Variants in AK9 observed in about 807,000 individuals in gnomAD.
AK9 encodes adenylate kinase domain containing 1.
Under a neutral mutation model 239.6 loss-of-function variants are expected in AK9, and 191 were observed. The observed-to-expected ratio is 0.80, with a 90% CI of 0.71 to 0.90. The LOEUF (loss-of-function observed/expected upper bound fraction) is 0.90, where lower values mean the gene tolerates loss of function less well. Ranked by LOEUF, AK9 falls within the 40% of genes least tolerant of loss-of-function variation. AK9 has a pLI of 0.00. For synonymous variants in AK9, 689 were observed against 721.0 expected (o/e 0.96, Z 0.71); for missense variants, 1,995 against 2,214.7 (o/e 0.90, Z 1.99).
chr6:109,570,083 T>C (rs1183746631), intron 21 of AK9, among the ~76,000 whole-genome samples: 1 of 152,132 alleles, frequency 6.6e-6, no homozygotes, highest in Admixed American at 6.5e-5. Flanking sequence ...ATATACACCA[T>C]GGAATACTAT....
chr6:109,550,042 CA>C (rs753721914), intron 25 of AK9, 47 bp downstream of exon 25: 2 of 1,580,500 alleles, frequency 1.3e-6, no homozygotes, highest in Non-Finnish European at 8.6e-7. Flanking sequence ...TAATCAGTCC[CA>C]AAAAAATCCT....
intron 30 of AK9, 113 bp from the exon 31 acceptor site, chr6:109,516,188 T>G: frequency 9.7e-7 from 1 of 1,032,482 alleles, no homozygotes; most frequent in Non-Finnish European, 1.4e-6. Flanking sequence ...AGAACACAAA[T>G]ATTTTTCAGC....
intron 8 of AK9, among the ~76,000 whole-genome samples, chr6:109,655,291 T>C (rs1167374920): frequency 6.6e-6 from 1 of 152,242 alleles, no homozygotes; most frequent in East Asian, 1.9e-4. Context: ...ATTTCTTTAT[T>C]ATCAGTGAAG....
chr6:109,680,057 T>C (rs927379262), intron 1 of AK9, among the ~76,000 whole-genome samples: 2 of 152,154 alleles, frequency 1.3e-5, no homozygotes, highest in Non-Finnish European at 2.9e-5. Context: ...CTCCACAGGA[T>C]CACAACTCCT....
intron 10 of AK9, among the ~76,000 whole-genome samples, chr6:109,639,115 C>A (rs114958319): frequency 6.6e-6 from 1 of 152,096 alleles, no homozygotes; most frequent in African/African-American, 2.4e-5. Flanking sequence ...TAAACATAGG[C>A]GTGCATGTGT....
intron 10 of AK9, among the ~76,000 whole-genome samples, chr6:109,640,964 G>T (rs1027458730): frequency 2.0e-5 from 3 of 151,740 alleles, no homozygotes; most frequent in Non-Finnish European, 2.9e-5. Context: ...AACTGAACTT[G>T]GATTTCTTTC....
At chr6:109,622,744 G>T (rs919708489) in intron 12 of AK9, among the ~76,000 whole-genome samples, 4 of 150,160 alleles carry the variant, frequency 2.7e-5, no homozygotes, top group South Asian at 2.1e-4. Flanking sequence ...CTATATTTTG[G>T]TATATACATT....
intron 29 of AK9, among the ~76,000 whole-genome samples, chr6:109,527,119 G>A (rs1562354585): frequency 1.3e-5 from 2 of 152,186 alleles, no homozygotes; most frequent in African/African-American, 4.8e-5. Context: ...GGAGCCAGGG[G>A]ACAGGAAGAG....
intron 27 of AK9, among the ~76,000 whole-genome samples, chr6:109,540,691 C>T (rs530262259): frequency 1.2e-3 from 185 of 152,276 alleles, no homozygotes; most frequent in Non-Finnish European, 2.2e-3. Flanking sequence ...TCCTCTCCGT[C>T]GCTCACACTG....
At chr6:109,636,130 A>C (rs948291028) in intron 10 of AK9, among the ~76,000 whole-genome samples, 1 of 152,046 alleles carries the variant, frequency 6.6e-6, no homozygotes, top group Non-Finnish European at 1.5e-5. Flanking sequence ...CGAAAGCCAA[A>C]ATTTTTACTG....
At chr6:109,506,286 G>A (rs1469306087) in intron 35 of AK9, 41 bp downstream of exon 35, 1 of 1,578,210 alleles carries the variant, frequency 6.3e-7, no homozygotes, top group East Asian at 2.2e-5. Context: ...GTTTACACTT[G>A]AAATTAATAT....
At chr6:109,661,131 T>G (rs1800363354) in intron 6 of AK9, among the ~76,000 whole-genome samples, 1 of 152,204 alleles carries the variant, frequency 6.6e-6, no homozygotes, top group South Asian at 2.1e-4. Flanking sequence ...AAAAAATGTG[T>G]GTTGCACTGA....
At chr6:109,647,963 A>G (rs1401926048) in intron 8 of AK9, among the ~76,000 whole-genome samples, 2 of 152,178 alleles carry the variant, frequency 1.3e-5, no homozygotes, top group African/African-American at 4.8e-5. Flanking sequence ...CTACATGGAA[A>G]CTGAACAACC....
Position 109,668,109 on chromosome 6 carries a change from G to A in AK9, c.331+3810C>T, listed in dbSNP as rs188268262. ...ATTGCCATTCTAACTGGTGTGAGATGATATCTCATTGTGGTTTTGATTTGC... is the reference window on the plus strand; with the variant it reads ...ATTGCCATTCTAACTGGTGTGAGATAATATCTCATTGTGGTTTTGATTTGC... On this transcript the variant is annotated intron_variant, in intron 5 of 40. Coordinates refer to ENST00000424296, the MANE Select transcript of AK9 (RefSeq NM_001145128.3). 3.3e-3 allele frequency among the ~76,000 whole-genome samples: 506 copies of A among 152,342 alleles called. 4 individuals are homozygous for A. The highest frequency in any genetic ancestry group is 0.011 in the African/African-American group (459 of 41,578).
At chr6:109,623,986 T>G (rs1221387593) in intron 12 of AK9, among the ~76,000 whole-genome samples, 1 of 151,934 alleles carries the variant, frequency 6.6e-6, no homozygotes, top group Admixed American at 6.6e-5. Context: ...ATTCATGTTA[T>G]TATGCTTATG....
At chr6:109,672,711 TAAAG>T (rs1771110618) in intron 3 of AK9, among the ~76,000 whole-genome samples, 1 of 151,898 alleles carries the variant, frequency 6.6e-6, no homozygotes, top group African/African-American at 2.4e-5. Context: ...AATAAAAAAA[TAAAG>T]AATCCTGGGG....
intron 8 of AK9, among the ~76,000 whole-genome samples, chr6:109,646,341 C>T (rs999021515): frequency 6.6e-6 from 1 of 152,014 alleles, no homozygotes; most frequent in Admixed American, 6.6e-5. Context: ...AAGGTAAAAA[C>T]CTTGAAAAAA....
rs910368219 is a variant in AK9 at position 109,551,091 on chromosome 6, A to C, written c.2752-789T>G. ...ACATATATAGTATTTTTAAAAATAC[A>C]AAGGGAATACTTTACATACTTATTT... On this transcript the variant is annotated intron_variant, in intron 24 of 40. Transcript: ENST00000424296. Among the ~76,000 whole-genome samples, 4 of 152,294 alleles carry C rather than the reference A, an allele frequency of 2.6e-5. No homozygotes were observed. The East Asian group carries it at 7.7e-4, about 29-fold the overall frequency.
At chr6:109,582,822 C>T (rs1396261476) in intron 19 of AK9, among the ~76,000 whole-genome samples, 1 of 152,120 alleles carries the variant, frequency 6.6e-6, no homozygotes, top group South Asian at 2.1e-4. Flanking sequence ...GAGTAATAAA[C>T]AGATACAACA....
Sources: allele counts gnomAD v4.1 joint callset (sites outside exome capture counted in the v4.1 genomes callset), GRCh38; gene constraint gnomAD v4.1.1; transcripts MANE v1.5; gene names NCBI Gene and HGNC (gene_info 2026-07-23, HGNC 2026-07-21).